The following DNAAF5 variants were observed in gnomAD, a reference collection of about 807,000 sequenced individuals.
DNAAF5 encodes HEAT repeat containing 2.
Under a neutral mutation model 75.8 loss-of-function variants are expected in DNAAF5, and 64 were observed. That is an observed-to-expected ratio of 0.84 (90% CI 0.69 to 1.04). The LOEUF (loss-of-function observed/expected upper bound fraction) is 1.04, where lower values mean the gene tolerates loss of function less well. DNAAF5 is among the 50% of genes least tolerant of loss of function. The pLI is 0.00. For missense variants in DNAAF5, 1,269 were observed against 1,178.5 expected (o/e 1.08, Z -1.12); for synonymous variants, 657 against 557.2 (o/e 1.18, Z -2.52).
chr7:757,075 T>C (rs1583498686), intron 6 of DNAAF5, 81 bp downstream of exon 6: 3 of 1,361,424 alleles, frequency 2.2e-6, no homozygotes, highest in Admixed American at 4.3e-5. Context: ...GACATGTCTG[T>C]GGGTTGCCCT....
intron 8 of DNAAF5, among the ~76,000 whole-genome samples, chr7:766,212 G>A (rs1449849708): frequency 1.3e-5 from 2 of 152,184 alleles, no homozygotes; most frequent in Non-Finnish European, 2.9e-5. Context: ...GGAGTCGGGG[G>A]CACAGCCTCA....
intron 6 of DNAAF5, among the ~76,000 whole-genome samples, chr7:758,768 C>T (rs980592174): frequency 2.0e-5 from 3 of 151,980 alleles, no homozygotes; most frequent in African/African-American, 4.8e-5. Context: ...CTGCAGCCTC[C>T]GCCTCCCAGG....
At chr7:739,772 G>C (rs925162235) in intron 2 of DNAAF5, among the ~76,000 whole-genome samples, 5 of 152,150 alleles carry the variant, frequency 3.3e-5, no homozygotes, top group Non-Finnish European at 7.4e-5. Context: ...CGGGTCCCAG[G>C]CCGGCAGGGG....
chr7:760,964 AC>A (rs1288398122), intron 6 of DNAAF5, among the ~76,000 whole-genome samples: 2 of 152,234 alleles, frequency 1.3e-5, no homozygotes, highest in Admixed American at 1.3e-4. Flanking sequence ...TTCAGCGCTG[AC>A]CAGCCCTTGG....
At chr7:731,741 G>A (rs990423742) in intron 2 of DNAAF5, among the ~76,000 whole-genome samples, 1 of 152,008 alleles carries the variant, frequency 6.6e-6, no homozygotes, top group Non-Finnish European at 1.5e-5. Flanking sequence ...TTTATGTGTG[G>A]CCCAAGACAA....
Position 775,051 on chromosome 7 carries a change from CT to C in DNAAF5, c.2129del (p.Leu710ArgfsTer7). The stretch of plus-strand genomic sequence containing the variant: ...ACTGATGCCCCAGGTCCTGACCACC[CT>C]GGAGGAGGATTCGAAGATGACGCGA... ...ETLMPQVLTTLEEDSKMTRLI... is the reference protein window; with the variant it reads ...ETLMPQVLTTXEEDSKMTRLI... On this transcript the variant is annotated frameshift_variant, in exon 11 of 13. Coordinates refer to ENST00000297440, the MANE Select transcript of DNAAF5 (RefSeq NM_017802.4). LOFTEE classifies it high-confidence loss of function. 1 of 1,614,012 alleles carries C rather than the reference CT, an allele frequency of 6.2e-7. No individual in the cohort carries two copies.
intron 9 of DNAAF5, among the ~76,000 whole-genome samples, chr7:773,661 A>AG (rs971202007): frequency 6.6e-6 from 1 of 152,122 alleles, no homozygotes; most frequent in African/African-American, 2.4e-5. Flanking sequence ...CAGATGGGAA[A>AG]GGGGCTCACT....
chr7:770,414 G>A lies in DNAAF5; in HGVS notation c.1784-57G>A, dbSNP rs1778514921. ...GCCTGAGCCTGGGCCTGTGCTGGAT[G>A]GGGCCTCCTCCCGTCTCCTGAGGGC... is the stretch of plus-strand genomic sequence containing the variant. On this transcript the variant is annotated intron_variant, in intron 8 of 12. Coordinates refer to ENST00000297440, the MANE Select transcript of DNAAF5 (RefSeq NM_017802.4). 7 of 1,552,280 alleles carry A rather than the reference G, an allele frequency of 4.5e-6. No homozygotes were observed. The East Asian group carries it at 1.4e-4, about 30-fold the overall frequency.
At chr7:748,745 C>T (rs1233509579) in intron 4 of DNAAF5, among the ~76,000 whole-genome samples, 1 of 152,196 alleles carries the variant, frequency 6.6e-6, no homozygotes, top group African/African-American at 2.4e-5. Context: ...CACCCAGAGG[C>T]GGTGAGCCAG....
At chr7:778,185 G>A (rs1778825242) in intron 11 of DNAAF5, 1 of 152,230 alleles carries the variant, frequency 6.6e-6, no homozygotes. Context: ...TTCAGTCCAT[G>A]CGATTGTTGG....
chr7:754,787 C>A lies in DNAAF5; in HGVS notation c.1223C>A (p.Ala408Asp), dbSNP rs749419844. 1 of 1,610,028 alleles carries A rather than the reference C, an allele frequency of 6.2e-7. No individual in the cohort carries two copies. Among genetic ancestry groups the A allele is most frequent in the Non-Finnish European group, 8.5e-7 (1 of 1,177,436 alleles). ...LEVVLRTLFQ[A>D]CTDEEAAVVQ... Reference sequence around the variant, plus strand: ...GTCGTCCTCCGGACCCTGTTCCAGGCCTGCACCGACGAGGAGGCAGCCGTG... The same window carrying A: ...GTCGTCCTCCGGACCCTGTTCCAGGACTGCACCGACGAGGAGGCAGCCGTG... The change falls in exon 5 of 13, where the codon GCC becomes GAC. Residue 408 changes from alanine to aspartate, a missense_variant. By Grantham distance (126) the Ala-to-Asp change is moderately radical. Transcript: ENST00000297440. This position sits in a 1 kb window ranked among gnomAD's most constrained non-coding sequence, Gnocchi z 4.8.
intron 2 of DNAAF5, among the ~76,000 whole-genome samples, chr7:730,848 A>C (rs1583473068): frequency 6.6e-6 from 1 of 152,290 alleles, no homozygotes; most frequent in Middle Eastern, 3.4e-3. Flanking sequence ...AAGTTGAGTC[A>C]CCATGTACGC....
rs1782748016 is a variant in DNAAF5, at chr7:764,051, G to C, written c.1783+77G>C. 3 of 1,513,406 alleles carry C rather than the reference G, an allele frequency of 2.0e-6. No homozygotes were observed. In the Admixed American group the frequency reaches 5.1e-5, roughly 26 times the overall value. The allele number at this position is 1,513,406 out of a possible 1,614,324, so 93.7% of individuals were successfully genotyped here. ...CACCTGCTCCCCCAGGTGCTCAGCAGGTACCAGCGCCGACCAGCTGAGCTG... is the reference window on the plus strand; with the variant it reads ...CACCTGCTCCCCCAGGTGCTCAGCACGTACCAGCGCCGACCAGCTGAGCTG... On this transcript the variant is annotated intron_variant, in intron 8 of 12. Transcript: ENST00000297440.
intron 4 of DNAAF5, among the ~76,000 whole-genome samples, chr7:751,516 C>T (rs1167093559): frequency 1.3e-5 from 2 of 151,478 alleles, no homozygotes; most frequent in Non-Finnish European, 2.9e-5. Context: ...TAGAAAAAGA[C>T]CCTTTAAATC....
In DNAAF5 at chr7:780,061, A is replaced by G. The variant is rs758858841; in HGVS notation, c.2348A>G (p.Tyr783Cys). 1 of 1,614,194 alleles carries G rather than the reference A, an allele frequency of 6.2e-7. No homozygotes were observed. Among genetic ancestry groups the G allele is most frequent in the East Asian group, 2.2e-5 (1 of 44,886 alleles). ...AAGGGTGCCAACGCAAAATCCTACT[A>G]TCAGAGCAGTGTCCAGTACCTGTAC... ...CVKGANAKSY[Y>C]QSSVQYLYRE... Residue 783 changes from tyrosine to cysteine, a missense_variant, in exon 12 of 13, where the codon TAT (tyrosine) becomes TGT (cysteine). Transcript: ENST00000297440.
At chr7:729,454 C>T (rs956396884) in intron 1 of DNAAF5, among the ~76,000 whole-genome samples, 5 of 152,228 alleles carry the variant, frequency 3.3e-5, no homozygotes, top group African/African-American at 9.6e-5. Context: ...CAGGGTGGGA[C>T]GCTTGTCCCT....
chr7:770,712 TC>T, intron 9 of DNAAF5, 94 bp downstream of exon 9: 2 of 1,190,412 alleles, frequency 1.7e-6, no homozygotes, highest in Non-Finnish European at 2.4e-6. Flanking sequence ...GCAAGGGGGT[TC>T]CCACCTCCTT....
At chr7:740,582 G>A (rs1268747696) in intron 2 of DNAAF5, among the ~76,000 whole-genome samples, 3 of 152,196 alleles carry the variant, frequency 2.0e-5, no homozygotes, top group Admixed American at 6.5e-5. Context: ...ATTCCTCTCC[G>A]GCCCAGCCAG....
intron 12 of DNAAF5, among the ~76,000 whole-genome samples, chr7:783,727 A>T (rs1256398957): frequency 1.3e-5 from 2 of 148,766 alleles, no homozygotes; most frequent in Non-Finnish European, 3.0e-5. Flanking sequence ...CCAGCTCCCC[A>T]CACTCCCTGG....
Sources: gnomAD v4.1 joint callset for allele counts (sites outside exome capture counted in the v4.1 genomes callset) on GRCh38, gnomAD v4.1.1 for gene constraint, Gnocchi (gnomAD v3.1) non-coding constraint, MANE v1.5 for transcripts, NCBI Gene and HGNC (gene_info 2026-07-23, HGNC 2026-07-21) for gene names.